The following DMGDH variants were observed in gnomAD, a reference collection of about 807,000 sequenced individuals.
The protein encoded by DMGDH is dimethylglycine dehydrogenase.
A neutral mutation model predicts 95.2 loss-of-function variants in DMGDH; 76 were observed. That is an observed-to-expected ratio of 0.80 (90% CI 0.66 to 0.97). DMGDH has a LOEUF of 0.97. DMGDH is among the 50% of genes least tolerant of loss of function. The probability of loss-of-function intolerance (pLI) is 0.00; values close to 1 mark genes in which losing one functional copy is unlikely to be tolerated. For missense variants in DMGDH, 987 were observed against 1,055.0 expected, an observed-to-expected ratio of 0.94 and a Z score of 0.89; for synonymous variants, 345 against 377.6, an observed-to-expected ratio of 0.91 and a Z score of 1.00.
chr5:79,009,365 CTTT>C (rs34398829), intron 14 of DMGDH, among the ~76,000 whole-genome samples: 1 of 132,492 alleles, frequency 7.5e-6, no homozygotes. Context: ...CTTTTCTTTT[CTTT>C]TTTTTTTTTT....
Position 79,044,303 on chromosome 5 carries a change from C to T in DMGDH, c.994+1G>A, listed in dbSNP as rs774131150. 1.2e-5 allele frequency: 20 copies of T among 1,614,092 alleles called. No homozygotes were observed. Among genetic ancestry groups the T allele is most frequent in the Non-Finnish European group, 1.6e-5 (19 of 1,180,024 alleles). ...CACACACTTTCATTTGCTGAACCCA[C>T]CTGGAGGAACTCCATTGGTGACCCA... On this transcript the variant is annotated splice_donor_variant, in intron 6 of 15. Transcript: ENST00000255189. LOFTEE classifies it high-confidence loss of function.
At chr5:79,020,297 T>C (rs1461983201) in intron 14 of DMGDH, among the ~76,000 whole-genome samples, 7 of 152,208 alleles carry the variant, frequency 4.6e-5, no homozygotes, top group Non-Finnish European at 1.0e-4. Context: ...ATACCCCAGA[T>C]GATTCTAATG....
intron 13 of DMGDH, 95 bp downstream of exon 13, chr5:79,026,329 A>T (rs1753999612): frequency 2.0e-6 from 3 of 1,503,572 alleles, no homozygotes; most frequent in Non-Finnish European, 2.8e-6. Flanking sequence ...TTTCTCTTAC[A>T]GCCAAAACCA....
At chr5:79,041,908 G>A (rs896838343) in intron 7 of DMGDH, among the ~76,000 whole-genome samples, 4 of 152,208 alleles carry the variant, frequency 2.6e-5, no homozygotes, top group Non-Finnish European at 5.9e-5. Flanking sequence ...GCTGAGGCAG[G>A]AGAATCGCTT....
At chr5:79,021,261 G>A in intron 14 of DMGDH, 1 of 1,041,162 alleles carries the variant, frequency 9.6e-7, no homozygotes. Flanking sequence ...CACAATTACG[G>A]CTAAGAACGT....
At chr5:79,015,948 G>T (rs1753724813) in intron 14 of DMGDH, among the ~76,000 whole-genome samples, 1 of 152,234 alleles carries the variant, frequency 6.6e-6, no homozygotes, top group East Asian at 1.9e-4. Context: ...ATCTATTCCT[G>T]ATCTTTTTTA....
chr5:79,029,986 A>T lies in DMGDH; in HGVS notation c.1732T>A (p.Tyr578Asn), dbSNP rs189581496. 1 of 1,614,096 alleles carries T rather than the reference A, an allele frequency of 6.2e-7. No individual in the cohort carries two copies. Among genetic ancestry groups the T allele is most frequent in the African/African-American group, 1.3e-5 (1 of 75,068 alleles). Reference sequence around the variant, plus strand: ...TGGTGAGAAACAGTCAGCTCAGCATACACTCGACCCTTGGGTGTTAACATG... The same window carrying T: ...TGGTGAGAAACAGTCAGCTCAGCATTCACTCGACCCTTGGGTGTTAACATG... The part of the protein sequence containing the change: ...SHMLTPKGRV[Y>N]AELTVSHQSP... The change falls in exon 11 of 16, where the codon TAT becomes AAT. Residue 578 changes from tyrosine (Y) to asparagine (N), a missense_variant. Physicochemically the swap from Tyr to Asn is moderately radical, Grantham distance 143. Transcript: ENST00000255189.
Position 79,026,575 on chromosome 5 carries a change from A to C in DMGDH, c.2039T>G (p.Leu680Arg). The change falls in exon 13 of 16, where the codon CTG becomes CGG. Residue 680 changes from leucine (L) to arginine (R), a missense_variant. Transcript: ENST00000255189. ...TCTTCTGTGATACAGCTCCCAACCC[A>C]GCTCACCTGAAATAAACCCACAGGT... ...TAIRISYTGE[L>R]GWELYHRRED... 1 of 1,614,104 alleles carries C rather than the reference A, an allele frequency of 6.2e-7. No individual in the cohort carries two copies. The highest frequency in any genetic ancestry group is 8.5e-7 in the Non-Finnish European group (1 of 1,180,002).
chr5:79,013,668 A>T (rs1260059655), intron 14 of DMGDH, among the ~76,000 whole-genome samples: 1 of 152,224 alleles, frequency 6.6e-6, no homozygotes. Context: ...TAGACTATAC[A>T]GGAAGCAAGA....
intron 2 of DMGDH, among the ~76,000 whole-genome samples, chr5:79,057,301 A>G (rs1755060982): frequency 6.6e-6 from 1 of 152,188 alleles, no homozygotes; most frequent in Admixed American, 6.5e-5. Flanking sequence ...CTGGGGCCTC[A>G]CTGGGCAGCT....
At chr5:79,069,439 A>T in intron 1 of DMGDH, 81 bp downstream of exon 1, 2 of 814,532 alleles carry the variant, frequency 2.5e-6, no homozygotes, top group Non-Finnish European at 3.3e-6. Context: ...GAGCGCTCCT[A>T]ACCCCTGAGC....
intron 2 of DMGDH, among the ~76,000 whole-genome samples, chr5:79,062,772 G>A (rs79347082): frequency 0.02 from 3,038 of 152,132 alleles, 52 homozygotes; most frequent in South Asian, 0.077. Flanking sequence ...GTCCTCAGGG[G>A]GCCAAACTGT....
intron 1 of DMGDH, among the ~76,000 whole-genome samples, chr5:79,067,040 A>T (rs1313281736): frequency 6.6e-6 from 1 of 152,112 alleles, no homozygotes; most frequent in Non-Finnish European, 1.5e-5. Flanking sequence ...ACATGAATTT[A>T]TGGATATTTA....
intron 14 of DMGDH, chr5:79,021,004 C>T (rs1196096771): frequency 2.0e-6 from 2 of 985,318 alleles, no homozygotes; most frequent in Non-Finnish European, 1.2e-6. Flanking sequence ...TCCAACTAAA[C>T]AAAGGCTACT....
intron 15 of DMGDH, chr5:79,000,380 T>C: frequency 2.9e-5 from 19 of 644,134 alleles, no homozygotes; most frequent in South Asian, 2.4e-4. Context: ...TAGGCATAGA[T>C]GCTGTGGGTG....
At chr5:79,056,868 A>G (rs762525073) in intron 2 of DMGDH, among the ~76,000 whole-genome samples, 1 of 152,110 alleles carries the variant, frequency 6.6e-6, no homozygotes, top group Non-Finnish European at 1.5e-5. Context: ...AAAGAACAGA[A>G]AAAAGTAATG....
At chr5:79,041,591 A>G (rs952546089) in intron 7 of DMGDH, among the ~76,000 whole-genome samples, 7 of 152,264 alleles carry the variant, frequency 4.6e-5, no homozygotes, top group African/African-American at 1.7e-4. Flanking sequence ...TATCTTTGTC[A>G]CATCGTGTTA....
rs374882125 is a variant in DMGDH at position 79,054,289 on chromosome 5, A to G, written c.435T>C (p.Asp145=). Residue 145 remains aspartate (D), a synonymous_variant, in exon 4 of 16, where the codon GAT becomes GAC. Transcript: ENST00000255189. ...IRLATTPVRV[D]EFKYQMTRTG... is the part of the protein sequence containing the mutation. ...TCCGAGTCATTTGATATTTAAATTC[A>G]TCTACCCTTACAGGGGTGGTAGCAA... 3.1e-6 allele frequency: 5 copies of G among 1,614,120 alleles called. No individual in the cohort carries two copies. In the African/African-American group the frequency reaches 4.0e-5, roughly 13 times the overall value.
intron 14 of DMGDH, chr5:79,021,811 A>G: frequency 1.0e-6 from 1 of 975,310 alleles, no homozygotes; most frequent in Non-Finnish European, 1.4e-6. Context: ...AAGTCTGATA[A>G]GCCCACTGTG....
Sources: allele counts gnomAD v4.1 joint callset (sites outside exome capture counted in the v4.1 genomes callset), GRCh38; gene constraint gnomAD v4.1.1; transcripts MANE v1.5; gene names NCBI Gene and HGNC (gene_info 2026-07-23, HGNC 2026-07-21).